KCNH1: variants seen among roughly 807,000 people sequenced by gnomAD.
KCNH1 encodes voltage-gated delayed rectifier potassium channel KCNH1.
In KCNH1, 27 loss-of-function variants were observed where a neutral mutation model predicts 69.2. The observed-to-expected ratio is 0.39, with a 90% CI of 0.29 to 0.54. The LOEUF (loss-of-function observed/expected upper bound fraction) is 0.54, where lower values mean the gene tolerates loss of function less well. KCNH1 is among the 20% of genes least tolerant of loss of function. KCNH1 has a pLI of 0.68. For synonymous variants in KCNH1, 456 were observed against 487.7 expected (o/e 0.93, Z 0.86); for missense variants, 798 against 1,261.6 (o/e 0.63, Z 5.57).
intron 7 of KCNH1, among the ~76,000 whole-genome samples, chr1:210,812,306 G>A (rs977882083): frequency 1.3e-5 from 2 of 151,992 alleles, no homozygotes; most frequent in Non-Finnish European, 2.9e-5. Context: ...ACCCTCCTTT[G>A]CTCTCTGTTT....
chr1:210,915,858 T>C (rs1215254432), intron 7 of KCNH1, among the ~76,000 whole-genome samples: 3 of 152,190 alleles, frequency 2.0e-5, no homozygotes, highest in Non-Finnish European at 2.9e-5. Context: ...ATCTATATTA[T>C]GGCTAATATA....
intron 7 of KCNH1, among the ~76,000 whole-genome samples, chr1:210,827,209 G>A (rs1685050563): frequency 6.6e-6 from 1 of 152,070 alleles, no homozygotes; most frequent in Non-Finnish European, 1.5e-5. Flanking sequence ...GGTGGCGGGT[G>A]CCTGTAATCC....
chr1:211,049,074 T>C (rs1020425678), intron 5 of KCNH1, among the ~76,000 whole-genome samples: 6 of 151,822 alleles, frequency 4.0e-5, no homozygotes, highest in Non-Finnish European at 8.8e-5. Flanking sequence ...ACTCCATCAG[T>C]TCTATAAAAC....
chr1:210,800,558 C>T (rs1317767751), intron 8 of KCNH1, among the ~76,000 whole-genome samples: 1 of 152,188 alleles, frequency 6.6e-6, no homozygotes, highest in Non-Finnish European at 1.5e-5. Flanking sequence ...GTGAGGGAAC[C>T]TGGAGAGGAG....
intron 10 of KCNH1, among the ~76,000 whole-genome samples, chr1:210,743,375 T>G (rs1178286346): frequency 6.6e-6 from 1 of 152,146 alleles, no homozygotes; most frequent in East Asian, 1.9e-4. Context: ...GCCTTTGGAA[T>G]CAGATCTCTA....
At chr1:210,909,741 C>A (rs1163574602) in intron 7 of KCNH1, among the ~76,000 whole-genome samples, 1 of 152,212 alleles carries the variant, frequency 6.6e-6, no homozygotes, top group Non-Finnish European at 1.5e-5. Flanking sequence ...GTGGAGATGA[C>A]TTTCATAAAT....
At chr1:210,849,365 C>CTT (rs150451228) in intron 7 of KCNH1, among the ~76,000 whole-genome samples, 2,089 of 128,006 alleles carry the variant, frequency 0.016, 64 homozygotes, top group African/African-American at 0.054. Flanking sequence ...TTCTTTCTTT[C>CTT]TTTTTTTTTT....
At chr1:211,040,101 G>A (rs1315349720) in intron 5 of KCNH1, among the ~76,000 whole-genome samples, 3 of 150,548 alleles carry the variant, frequency 2.0e-5, no homozygotes, top group Non-Finnish European at 4.4e-5. Context: ...TGAGGCAGGA[G>A]AATGGCGTGA....
At chr1:210,952,939 T>C (rs1024358806) in intron 6 of KCNH1, among the ~76,000 whole-genome samples, 1 of 152,182 alleles carries the variant, frequency 6.6e-6, no homozygotes, top group Non-Finnish European at 1.5e-5. Context: ...TTTTATTTGG[T>C]TGGTTAATTG....
intron 7 of KCNH1, among the ~76,000 whole-genome samples, chr1:210,843,599 G>A (rs932312018): frequency 6.6e-6 from 1 of 152,132 alleles, no homozygotes; most frequent in African/African-American, 2.4e-5. Flanking sequence ...ATTGAGGCAG[G>A]GAGGTCAAGG....
intron 9 of KCNH1, among the ~76,000 whole-genome samples, chr1:210,786,946 T>C (rs945679107): frequency 5.3e-5 from 8 of 152,212 alleles, no homozygotes; most frequent in African/African-American, 1.9e-4. Context: ...TCTCTCAGCA[T>C]GCTCCCTGCC....
In KCNH1 at chr1:210,721,893, T is replaced by C. The variant is rs149530216; in HGVS notation, c.2113-37755A>G. 7.3e-3 allele frequency among the ~76,000 whole-genome samples: 1,116 copies of C among 152,270 alleles called. 11 individuals carry two copies. The highest frequency in any genetic ancestry group is 0.025 in the African/African-American group (1,033 of 41,546). On this transcript the variant is annotated intron_variant, in intron 10 of 10. Coordinates refer to ENST00000271751, the MANE Select transcript of KCNH1 (RefSeq NM_172362.3). ...GTCCCAGCTGTCCTCTTTCCTGTGG[T>C]TCCAGGAAGAGACTACAGACCAGGC...
chr1:210,936,687 C>G (rs892397213), intron 6 of KCNH1, among the ~76,000 whole-genome samples: 6 of 152,196 alleles, frequency 3.9e-5, no homozygotes, highest in African/African-American at 1.4e-4. Flanking sequence ...AATCTTTTAT[C>G]CTGGCTTCCC....
chr1:211,128,061 C>T (rs996433535), intron 1 of KCNH1, among the ~76,000 whole-genome samples: 2 of 151,988 alleles, frequency 1.3e-5, no homozygotes, highest in African/African-American at 2.4e-5. Context: ...AAGGCCAAGG[C>T]GGGCGGATCA....
At chr1:210,815,889 C>T (rs1244628957) in intron 7 of KCNH1, among the ~76,000 whole-genome samples, 2 of 152,216 alleles carry the variant, frequency 1.3e-5, no homozygotes, top group Non-Finnish European at 2.9e-5. Flanking sequence ...AGATCCCACA[C>T]CCTTGCTCAC....
At chr1:210,731,885 T>C (rs1682755744) in intron 10 of KCNH1, among the ~76,000 whole-genome samples, 1 of 152,118 alleles carries the variant, frequency 6.6e-6, no homozygotes, top group Admixed American at 6.5e-5. Context: ...CCACCCACAC[T>C]GAGAAGGAGA....
intron 7 of KCNH1, among the ~76,000 whole-genome samples, chr1:210,910,220 T>G (rs1687200984): frequency 7.5e-6 from 1 of 133,004 alleles, no homozygotes; most frequent in Non-Finnish European, 1.5e-5. Context: ...TACTGAAAAA[T>G]GTTGCAATCC....
intron 7 of KCNH1, among the ~76,000 whole-genome samples, chr1:210,848,550 A>G (rs921003765): frequency 6.6e-6 from 1 of 152,150 alleles, no homozygotes. Flanking sequence ...CCCTATAACT[A>G]AAGTTGTTTT....
chr1:210,934,009 T>A (rs1687729006), intron 6 of KCNH1, among the ~76,000 whole-genome samples: 1 of 152,302 alleles, frequency 6.6e-6, no homozygotes, highest in South Asian at 2.1e-4. Flanking sequence ...TAGACTCCTA[T>A]CTCTCACTAT....
Sources: allele counts gnomAD v4.1 joint callset (sites outside exome capture counted in the v4.1 genomes callset), GRCh38; gene constraint gnomAD v4.1.1; transcripts MANE v1.5; gene names NCBI Gene and HGNC (gene_info 2026-07-23, HGNC 2026-07-21).